ADAMTS13: variants seen among roughly 807,000 people sequenced by gnomAD.
ADAMTS13 encodes the protein A disintegrin and metalloproteinase with thrombospondin motifs 13.
ADAMTS13 carries 110 observed loss-of-function variants against 155.1 expected under a neutral mutation model. The observed-to-expected ratio is 0.71, with a 90% CI of 0.61 to 0.83. The LOEUF is 0.83. Ranked by LOEUF, ADAMTS13 falls within the 40% of genes least tolerant of loss-of-function variation. ADAMTS13 has a pLI of 0.00. For synonymous variants in ADAMTS13, 758 were observed against 756.4 expected (o/e 1.00, Z -0.03); for missense variants, 1,707 against 1,891.7 (o/e 0.90, Z 1.81).
chr9:133,447,734 A>G (rs1351875618), intron 21 of ADAMTS13, among the ~76,000 whole-genome samples: 1 of 151,480 alleles, frequency 6.6e-6, no homozygotes, highest in Non-Finnish European at 1.5e-5. Context: ...GACTCCAGCT[A>G]TGTGCCACCA....
At position 133,426,293 on chromosome 9, in the gene ADAMTS13, G is replaced by A. The variant is rs965898322; in HGVS notation, c.634G>A (p.Glu212Lys). The change falls in exon 6 of 29, where the codon GAG becomes AAG. Residue 212 changes from glutamate to lysine, a missense_variant. By Grantham distance (56) the Glu-to-Lys change is moderately conservative. Transcript: ENST00000355699. ...CCCAACCTGGAGCTGCCTCATTACC[G>A]AGGACACTGGCTTCGACCTGGGAGT... Reference protein sequence around the residue: ...CSPTWSCLITEDTGFDLGVTI... With the variant: ...CSPTWSCLITKDTGFDLGVTI... The A allele has an allele frequency of 8.7e-6, 14 of 1,608,340 alleles. No individual in the cohort carries two copies. Among genetic ancestry groups the A allele is most frequent in the African/African-American group, 8.0e-5 (6 of 74,924 alleles).
chr9:133,442,416 C>G lies in ADAMTS13; in HGVS notation c.1986C>G (p.Gly662=), dbSNP rs199741568. 2.9e-5 allele frequency: 46 copies of G among 1,613,884 alleles called. No individual in the cohort carries two copies. Among genetic ancestry groups the G allele is most frequent in the Admixed American group, 2.0e-4 (12 of 60,026 alleles). ...GTCTGCAGGTTTACAGGCGGTATGG[C>G]GAGGAGTATGGCAACCTCACCCGCC... The part of the protein sequence containing the change: ...DADIQVYRRY[G]EEYGNLTRPD... Residue 662 remains glycine (G), a synonymous_variant, in exon 17 of 29, where the codon GGC becomes GGG. Transcript: ENST00000355699.
At chr9:133,428,827 C>A in intron 7 of ADAMTS13, 56 bp downstream of exon 7, 6 of 1,234,468 alleles carry the variant, frequency 4.9e-6, no homozygotes, top group Non-Finnish European at 6.1e-6. Context: ...CGCTGGGCCG[C>A]CAGCGCCACC....
intron 21 of ADAMTS13, among the ~76,000 whole-genome samples, chr9:133,448,313 A>G (rs1321590288): frequency 6.6e-6 from 1 of 152,212 alleles, no homozygotes; most frequent in Non-Finnish European, 1.5e-5. Flanking sequence ...TCGGTCAACA[A>G]TAACAGCTAC....
In ADAMTS13 at chr9:133,456,194, A is replaced by T. The variant is rs1554795904; in HGVS notation, c.3526A>T (p.Ser1176Cys). The T allele has an allele frequency of 6.2e-7, 1 of 1,613,512 alleles. No individual in the cohort carries two copies. The highest frequency in any genetic ancestry group is 8.5e-7 in the Non-Finnish European group (1 of 1,180,026). The change falls in exon 26 of 29, where the codon AGT becomes TGT. Residue 1176 changes from serine (S) to cysteine (C), a missense_variant. Ser to Cys is a moderately radical substitution (Grantham distance 112, BLOSUM62 -1). Coordinates refer to ENST00000355699, the MANE Select transcript of ADAMTS13 (RefSeq NM_139027.6). The surrounding 1 kb of genome is among the most constrained non-coding windows in gnomAD (Gnocchi z 4.4). The part of the protein sequence containing the change: ...GEVVTLRVLE[S>C]SLNCSAGDML... ...GGTGGTGACCCTCCGCGTCCTTGAGAGTTCTCTCAACTGCAGTGCGGGTAT... is the reference window on the plus strand; with the variant it reads ...GGTGGTGACCCTCCGCGTCCTTGAGTGTTCTCTCAACTGCAGTGCGGGTAT...
chr9:133,414,900 G>A (rs781854599), intron 1 of ADAMTS13: 2 of 1,614,076 alleles, frequency 1.2e-6, no homozygotes, highest in South Asian at 2.2e-5. Context: ...CCCTTCACTT[G>A]AGGCGAGGTC....
At chr9:133,430,212 G>T in intron 8 of ADAMTS13, 111 bp downstream of exon 8, 1 of 1,412,960 alleles carries the variant, frequency 7.1e-7, no homozygotes, top group Non-Finnish European at 9.7e-7. Context: ...GTGCTAGGCT[G>T]AGGTACTAAG....
chr9:133,454,672 G>C, intron 24 of ADAMTS13, 53 bp downstream of exon 24: 1 of 1,540,928 alleles, frequency 6.5e-7, no homozygotes, highest in Non-Finnish European at 8.7e-7. Context: ...GGCATCAGCT[G>C]TGGCTCCTCA....
In ADAMTS13 at chr9:133,444,974, G is replaced by A; in HGVS notation, c.2532G>A (p.Glu844=). ...ATGGCCTGGAGGCTCCAGTGACTGA[G>A]GGGCCTGGCTCCGTAGATGAGAAGC... ...GADGLEAPVT[E]GPGSVDEKLP... is the part of the protein sequence containing the mutation. The change falls in exon 20 of 29, where the codon GAG becomes GAA. Residue 844 remains glutamate, a synonymous_variant. Transcript: ENST00000355699. 1 of 1,613,536 alleles carries A rather than the reference G, an allele frequency of 6.2e-7. No homozygotes were observed. Among genetic ancestry groups the A allele is most frequent in the East Asian group, 2.2e-5 (1 of 44,890 alleles).
intron 22 of ADAMTS13, among the ~76,000 whole-genome samples, chr9:133,449,468 G>A (rs1158826772): frequency 1.3e-5 from 2 of 152,280 alleles, no homozygotes; most frequent in East Asian, 3.9e-4. Context: ...CCAGGGCGGT[G>A]GTGCTGGGAT....
intron 13 of ADAMTS13, 119 bp from the exon 14 acceptor site, chr9:133,438,127 G>T (rs587625957): frequency 1.3e-6 from 2 of 1,558,112 alleles, no homozygotes; most frequent in Non-Finnish European, 1.8e-6. Flanking sequence ...AGATGGTGGG[G>T]TGCTATAGAA....
At position 133,445,890 on chromosome 9, in the gene ADAMTS13, C is replaced by T. The variant is rs371585744; in HGVS notation, c.2731+71C>T. 13 of 1,505,450 alleles carry T rather than the reference C, an allele frequency of 8.6e-6. 1 individual carries two copies. The Middle Eastern group carries it at 5.4e-4, about 63-fold the overall frequency. 93.3% of individuals were successfully genotyped at this position (1,505,450 alleles called of 1,614,324 possible). On this transcript the variant is annotated intron_variant, in intron 21 of 28. Coordinates refer to ENST00000355699, the MANE Select transcript of ADAMTS13 (RefSeq NM_139027.6). This position sits in a 1 kb window ranked among gnomAD's most constrained non-coding sequence, Gnocchi z 5.0. ...TCTCCTGTCCACTTGCATCTTGCCT[C>T]GTTCTGAAAAGCATTTGAGGTGGAT...
Position 133,443,463 on chromosome 9 carries a change from C to A in ADAMTS13, c.2322C>A (p.Gly774=). 1 of 1,592,022 alleles carries A rather than the reference C, an allele frequency of 6.3e-7. No homozygotes were observed. ...ERPVRCVEAQ[G]SLLKTLPPAR... is the part of the protein sequence containing the mutation. ...CAGTGCGCTGCGTGGAGGCCCAGGG[C>A]AGCCTCCTGAAGACATTGCCCCCAG... Residue 774 remains glycine (G), a synonymous_variant, in exon 19 of 29, where the codon GGC becomes GGA. Coordinates refer to ENST00000355699, the MANE Select transcript of ADAMTS13 (RefSeq NM_139027.6).
Position 133,457,906 on chromosome 9 carries a change from G to A in ADAMTS13, c.3725-4G>A. On this transcript the variant is annotated splice_region_variant and splice_polypyrimidine_tract_variant and intron_variant, in intron 27 of 28. Coordinates refer to ENST00000355699, the MANE Select transcript of ADAMTS13 (RefSeq NM_139027.6). The stretch of plus-strand genomic sequence containing the variant: ...GTTCCTATGTCCCTATGTCCCACCT[G>A]CAGAATGTGACATGCAGCTCTTTGG... 5.0e-6 allele frequency: 8 copies of A among 1,613,820 alleles called. No homozygotes were observed. The highest frequency in any genetic ancestry group is 6.8e-6 in the Non-Finnish European group (8 of 1,180,044).
Position 133,425,449 on chromosome 9 carries a change from G to T in ADAMTS13, c.331-80G>T. On this transcript the variant is annotated intron_variant, in intron 3 of 28. Coordinates refer to ENST00000355699, the MANE Select transcript of ADAMTS13 (RefSeq NM_139027.6). This position sits in a 1 kb window ranked among gnomAD's most constrained non-coding sequence, Gnocchi z 4.6. ...AGCCTCTCCAGCTCTTCACACTCCGGGGGCCCCTGGGAGTCAGCAGCTGCC... is the reference window on the plus strand; with the variant it reads ...AGCCTCTCCAGCTCTTCACACTCCGTGGGCCCCTGGGAGTCAGCAGCTGCC... 7.5e-7 allele frequency: 1 copy of T among 1,340,918 alleles called. No individual in the cohort carries two copies. The allele number at this position is 1,340,918 out of a possible 1,614,324, so 83.1% of individuals were successfully genotyped here. A position where few individuals can be genotyped will look rare whatever the true frequency, so the allele number is the denominator to read the frequency against.
upstream of ADAMTS13, among the ~76,000 whole-genome samples, chr9:133,420,260 C>T (rs1554782737): frequency 6.6e-6 from 1 of 152,124 alleles, no homozygotes; most frequent in Non-Finnish European, 1.5e-5. Context: ...AGGCTGATCT[C>T]GAACTCCTGA....
At chr9:133,416,728 T>C (rs1839635795) in intron 1 of ADAMTS13, among the ~76,000 whole-genome samples, 1 of 152,242 alleles carries the variant, frequency 6.6e-6, no homozygotes, top group Non-Finnish European at 1.5e-5. Flanking sequence ...GTCAGCCACC[T>C]GGTTCCCAGC....
Position 133,437,775 on chromosome 9 carries a change from C to T in ADAMTS13, c.1462C>T (p.Arg488Trp), listed in dbSNP as rs782769100. Residue 488 changes from arginine to tryptophan, a missense_variant, in exon 13 of 29, where the codon CGG becomes TGG. Arg to Trp is a moderately radical substitution (Grantham distance 101). This residue lies in a region of ADAMTS13 where 733 missense variants were observed against 749.6 expected (regional missense o/e 0.98). Transcript: ENST00000355699. ...GGATGCTCTGTGCAGACACATGTGC[C>T]GGGCCATTGGCGAGAGCTTCATCAT... Reference protein sequence around the residue: ...QGDALCRHMCRAIGESFIMKR... With the variant: ...QGDALCRHMCWAIGESFIMKR... The T allele has an allele frequency of 1.4e-5, 22 of 1,613,878 alleles. No homozygotes were observed. The highest frequency in any genetic ancestry group is 1.2e-4 in the Admixed American group (7 of 60,012).
intron 1 of ADAMTS13, chr9:133,414,912 CTT>C (rs1027495353): frequency 1.2e-6 from 2 of 1,613,916 alleles, no homozygotes; most frequent in African/African-American, 2.7e-5. Context: ...GGCGAGGTCT[CTT>C]TTTTGTTTTG....
Sources: gnomAD v4.1 joint callset for allele counts (sites outside exome capture counted in the v4.1 genomes callset) on GRCh38, gnomAD v4.1.1 for gene constraint, gnomAD v4.1.1 regional missense constraint, Gnocchi (gnomAD v3.1) non-coding constraint, MANE v1.5 for transcripts, NCBI Gene and HGNC (gene_info 2026-07-23, HGNC 2026-07-21) for gene names.